MAP2: variants seen among roughly 807,000 people sequenced by gnomAD.
The protein encoded by MAP2 is microtubule associated protein 2, also known as microtubule-associated protein 2.
MAP2 carries 14 observed loss-of-function variants against 137.6 expected under a neutral mutation model. That is an observed-to-expected ratio of 0.10 (90% CI 0.07 to 0.16). The LOEUF is 0.16. MAP2 is among the 10% of genes least tolerant of loss of function. The probability of loss-of-function intolerance (pLI) is 1.00; values close to 1 mark genes in which losing one functional copy is unlikely to be tolerated. For missense variants in MAP2, 2,088 were observed against 2,191.5 expected, an observed-to-expected ratio of 0.95 and a Z score of 0.94; for synonymous variants, 786 against 782.3, an observed-to-expected ratio of 1.00 and a Z score of -0.08.
At chr2:209,523,063 G>A (rs996594265) in intron 2 of MAP2, among the ~76,000 whole-genome samples, 3 of 152,038 alleles carry the variant, frequency 2.0e-5, no homozygotes, top group African/African-American at 7.2e-5. Flanking sequence ...TCAGTAAATG[G>A]TTCTTCAGCC....
intron 3 of MAP2, among the ~76,000 whole-genome samples, chr2:209,611,395 C>G (rs945324220): frequency 1.3e-5 from 2 of 152,092 alleles, no homozygotes; most frequent in Admixed American, 1.3e-4. Flanking sequence ...CATTCTTTCT[C>G]TGTTCAGTGT....
chr2:209,646,036 A>C (rs942476345), intron 4 of MAP2, among the ~76,000 whole-genome samples: 2 of 152,022 alleles, frequency 1.3e-5, no homozygotes, highest in Non-Finnish European at 2.9e-5. Context: ...AAATACAAAA[A>C]TTAGCTGGGC....
chr2:209,431,264 T>G (rs897866777), intron 1 of MAP2, among the ~76,000 whole-genome samples: 1 of 152,190 alleles, frequency 6.6e-6, no homozygotes, highest in South Asian at 2.1e-4. Flanking sequence ...AATAAAATCT[T>G]TTTATTCCTA....
At chr2:209,576,388 C>T (rs944666169) in intron 2 of MAP2, among the ~76,000 whole-genome samples, 1 of 151,988 alleles carries the variant, frequency 6.6e-6, no homozygotes, top group African/African-American at 2.4e-5. Context: ...GGACTACAGG[C>T]ATGCACCACC....
At chr2:209,428,993 G>C (rs1156489139) in intron 1 of MAP2, among the ~76,000 whole-genome samples, 1 of 150,656 alleles carries the variant, frequency 6.6e-6, no homozygotes, top group Admixed American at 6.6e-5. Flanking sequence ...TCGCTCTTTC[G>C]CCCAGGCCGG....
intron 3 of MAP2, among the ~76,000 whole-genome samples, chr2:209,582,657 TGATA>T (rs66881504): frequency 0.049 from 7,301 of 149,716 alleles, 360 homozygotes; most frequent in African/African-American, 0.13. Context: ...GATAGATAGA[TGATA>T]GATAGATAGA....
intron 1 of MAP2, among the ~76,000 whole-genome samples, chr2:209,469,162 A>G (rs917537938): frequency 2.0e-5 from 3 of 152,212 alleles, no homozygotes; most frequent in African/African-American, 7.2e-5. Flanking sequence ...GAATTCCTCC[A>G]TTAGGAAACT....
chr2:209,462,410 A>G (rs1388001955), intron 1 of MAP2, among the ~76,000 whole-genome samples: 3 of 152,226 alleles, frequency 2.0e-5, no homozygotes, highest in Non-Finnish European at 4.4e-5. Flanking sequence ...AGTTAATGCC[A>G]TGGAACTAAA....
At chr2:209,446,506 A>G (rs1373501239) in intron 1 of MAP2, among the ~76,000 whole-genome samples, 2 of 152,018 alleles carry the variant, frequency 1.3e-5, no homozygotes, top group Non-Finnish European at 2.9e-5. Flanking sequence ...ATGACTAAAA[A>G]TGAAACAGAC....
Position 209,695,767 on chromosome 2 carries a change from G to T in MAP2, c.3597G>T (p.Gly1199=), listed in dbSNP as rs756936960. 1 of 1,613,876 alleles carries T rather than the reference G, an allele frequency of 6.2e-7. No individual in the cohort carries two copies. The highest frequency in any genetic ancestry group is 8.5e-7 in the Non-Finnish European group (1 of 1,179,980). ...RADVQMEFIQ[G]PKEESKETPD... is the part of the protein sequence containing the mutation. The stretch of plus-strand genomic sequence containing the variant: ...ATGTCCAGATGGAATTTATTCAGGG[G>T]CCAAAAGAAGAAAGCAAAGAGACCC... The change falls in exon 8 of 16, where the codon GGG becomes GGT. Residue 1199 remains glycine, a synonymous_variant. Transcript: ENST00000682079.
At chr2:209,698,494 T>C (rs2060877226) in intron 10 of MAP2, among the ~76,000 whole-genome samples, 1 of 152,188 alleles carries the variant, frequency 6.6e-6, no homozygotes, top group African/African-American at 2.4e-5. Context: ...AAGAGGAACA[T>C]TAGCCTTTGT....
At chr2:209,729,524 T>C (rs2075318152) in intron 14 of MAP2, among the ~76,000 whole-genome samples, 2 of 152,328 alleles carry the variant, frequency 1.3e-5, no homozygotes, top group East Asian at 1.9e-4. Context: ...AAATAAGATA[T>C]TTTCATTTTG....
chr2:209,440,649 C>A (rs1490900110), intron 1 of MAP2, among the ~76,000 whole-genome samples: 5 of 151,438 alleles, frequency 3.3e-5, no homozygotes, highest in Non-Finnish European at 5.9e-5. Flanking sequence ...GAATGCTGGA[C>A]AGGTAAGTTT....
At position 209,697,049 on chromosome 2, in the gene MAP2, C is replaced by T; in HGVS notation, c.4520C>T (p.Thr1507Ile). ...THLSCVKRKT[T>I]AAGGESALAP... The stretch of plus-strand genomic sequence containing the variant: ...CTCTCCTGTGTTAAGCGGAAAACCA[C>T]AGGTGACTGTTCAATTCTGCAATGT... Residue 1507 changes from threonine to isoleucine, a missense_variant and splice_region_variant, in exon 10 of 16, where the codon ACA becomes ATA. Coordinates refer to ENST00000682079, the MANE Select transcript of MAP2 (RefSeq NM_001375505.1). 6.3e-7 allele frequency: 1 copy of T among 1,592,824 alleles called. No individual in the cohort carries two copies. The highest frequency in any genetic ancestry group is 8.5e-7 in the Non-Finnish European group (1 of 1,174,792).
At chr2:209,703,699 T>C (rs1184344756) in intron 11 of MAP2, among the ~76,000 whole-genome samples, 1 of 152,114 alleles carries the variant, frequency 6.6e-6, no homozygotes, top group East Asian at 1.9e-4. Flanking sequence ...AAAGAGAGAC[T>C]TGCTTTGGTC....
chr2:209,506,871 G>A (rs1397933794), intron 1 of MAP2, among the ~76,000 whole-genome samples: 2 of 152,172 alleles, frequency 1.3e-5, no homozygotes, highest in African/African-American at 4.8e-5. Flanking sequence ...AGTCTGTGCA[G>A]ACTGTTCTAA....
chr2:209,657,076 G>A lies in MAP2; in HGVS notation c.262+3644G>A, dbSNP rs151126358. Among the ~76,000 whole-genome samples, 26 of 152,186 alleles carry A rather than the reference G, an allele frequency of 1.7e-4. No individual in the cohort carries two copies. In the East Asian group the frequency reaches 3.9e-3, roughly 23 times the overall value. On this transcript the variant is annotated intron_variant, in intron 5 of 15. Coordinates refer to ENST00000682079, the MANE Select transcript of MAP2 (RefSeq NM_001375505.1). ...ATTTCACTTAAGATAATGGTCTCCC[G>A]TTCCATCCATGTTGCTGCAAAAGAT...
At chr2:209,556,024 C>CTTTTTTTTTTTTTTT (rs34673279) in intron 2 of MAP2, among the ~76,000 whole-genome samples, 2 of 134,220 alleles carry the variant, frequency 1.5e-5, no homozygotes, top group Non-Finnish European at 1.5e-5. Context: ...GGCATTCTTT[C>CTTTTTTTTTTTTTTT]TTTTTTTTTT....
At chr2:209,454,698 T>C (rs1341606658) in intron 1 of MAP2, among the ~76,000 whole-genome samples, 1 of 152,174 alleles carries the variant, frequency 6.6e-6, no homozygotes, top group African/African-American at 2.4e-5. Flanking sequence ...TTTTAAAATA[T>C]AGAATACATA....
Sources: gnomAD v4.1 joint callset for allele counts (sites outside exome capture counted in the v4.1 genomes callset) on GRCh38, gnomAD v4.1.1 for gene constraint, MANE v1.5 for transcripts, NCBI Gene and HGNC (gene_info 2026-07-23, HGNC 2026-07-21) for gene names.